Variants in KCNJ15 observed in about 807,000 individuals in gnomAD.
KCNJ15 encodes potassium inwardly rectifying channel subfamily J member 15, also known as ATP-sensitive inward rectifier potassium channel 15.
A neutral mutation model predicts 23.0 loss-of-function variants in KCNJ15; 14 were observed. That is an observed-to-expected ratio of 0.61 (90% CI 0.40 to 0.95). The LOEUF is 0.95. Among genes scored for constraint, KCNJ15 ranks in the 40% least tolerant of loss-of-function variants. The pLI is 0.00. For synonymous variants in KCNJ15, 185 were observed against 183.2 expected, an observed-to-expected ratio of 1.01 and a Z score of -0.08; for missense variants, 388 against 461.8, an observed-to-expected ratio of 0.84 and a Z score of 1.46.
chr21:38,236,932 T>C (rs906908867), intron 1 of KCNJ15, among the ~76,000 whole-genome samples: 2 of 152,116 alleles, frequency 1.3e-5, no homozygotes, highest in African/African-American at 4.8e-5. Context: ...GACTGAAGGG[T>C]CCAGAAGCAG....
At chr21:38,288,522 A>C (rs1984229080) in intron 1 of KCNJ15, among the ~76,000 whole-genome samples, 1 of 152,208 alleles carries the variant, frequency 6.6e-6, no homozygotes, top group Admixed American at 6.5e-5. Flanking sequence ...ATTTCAAATA[A>C]AAGAAAATGT....
At chr21:38,260,544 T>A (rs2123608712) in intron 1 of KCNJ15, among the ~76,000 whole-genome samples, 1 of 152,366 alleles carries the variant, frequency 6.6e-6, no homozygotes, top group South Asian at 2.1e-4. Context: ...GAATACAGTT[T>A]GTGCTTCTAG....
At chr21:38,258,472 T>C (rs1980517329) in intron 1 of KCNJ15, among the ~76,000 whole-genome samples, 1 of 152,198 alleles carries the variant, frequency 6.6e-6, no homozygotes, top group African/African-American at 2.4e-5. Flanking sequence ...GCAGTTTTTC[T>C]CCTTCTCTGT....
intron 1 of KCNJ15, among the ~76,000 whole-genome samples, chr21:38,244,254 G>A (rs573352411): frequency 6.6e-6 from 1 of 152,268 alleles, no homozygotes; most frequent in East Asian, 1.9e-4. Context: ...AATTGTACCA[G>A]ATTTGATGTG....
chr21:38,243,458 A>ATAACTCTG (rs1555880870), intron 1 of KCNJ15, among the ~76,000 whole-genome samples: 1 of 151,440 alleles, frequency 6.6e-6, no homozygotes, highest in East Asian at 2.0e-4. Flanking sequence ...GAGATGGAGT[A>ATAACTCTG]TCACCCAGGC....
chr21:38,242,315 T>G (rs971280349), intron 1 of KCNJ15, among the ~76,000 whole-genome samples: 4 of 152,172 alleles, frequency 2.6e-5, no homozygotes, highest in African/African-American at 9.7e-5. Context: ...TGCACGCTGT[T>G]TCCACTGCTG....
chr21:38,259,503 A>G (rs1232216966), intron 1 of KCNJ15, among the ~76,000 whole-genome samples: 1 of 152,224 alleles, frequency 6.6e-6, no homozygotes, highest in Non-Finnish European at 1.5e-5. Context: ...ATCTCTAAAT[A>G]TGTTGTTTTA....
At chr21:38,247,368 GGA>G (rs1979488139) in intron 1 of KCNJ15, among the ~76,000 whole-genome samples, 1 of 151,974 alleles carries the variant, frequency 6.6e-6, no homozygotes, top group African/African-American at 2.4e-5. Flanking sequence ...ATGGATGGAT[GGA>G]TGGATGGATG....
chr21:38,274,767 T>C (rs117854939), intron 1 of KCNJ15, among the ~76,000 whole-genome samples: 1,919 of 152,334 alleles, frequency 0.013, 21 homozygotes, highest in Non-Finnish European at 0.02. Flanking sequence ...TTAATTTACA[T>C]AGGTGTCCAG....
At chr21:38,233,985 A>G (rs1978437143) in intron 1 of KCNJ15, among the ~76,000 whole-genome samples, 1 of 152,284 alleles carries the variant, frequency 6.6e-6, no homozygotes, top group African/African-American at 2.4e-5. Context: ...TCTTTCATTA[A>G]TCTTCTTATT....
Position 38,301,400 on chromosome 21 carries a change from T to C in KCNJ15, c.*1011T>C, listed in dbSNP as rs895682166. On this transcript the variant is annotated 3_prime_UTR_variant, in exon 3 of 3. Transcript: ENST00000398938. ...GCCAATATTTCTTTCAGCCATTTCA[T>C]TTCTTATCTATTAAAATGGCTTGCC... 1.2e-4 allele frequency: 20 copies of C among 167,114 alleles called. No homozygotes were observed. The highest frequency in any genetic ancestry group is 4.8e-4 in the African/African-American group (20 of 41,468). 10.4% of individuals were successfully genotyped at this position (167,114 alleles called of 1,614,324 possible).
chr21:38,282,259 G>T lies in KCNJ15; in HGVS notation c.-116-14667G>T, dbSNP rs1194578305. 4.6e-5 allele frequency among the ~76,000 whole-genome samples: 7 copies of T among 152,208 alleles called. No homozygotes were observed. The South Asian group carries it at 1.5e-3, about 32-fold the overall frequency. On this transcript the variant is annotated intron_variant, in intron 1 of 2. Transcript: ENST00000398938. ...TGTCACTGTCCCTGCTTGGGTTACT[G>T]GTGTACCCCACATTGGAGACATCTG...
intron 1 of KCNJ15, chr21:38,238,399 A>G: frequency 2.8e-6 from 2 of 705,942 alleles, no homozygotes; most frequent in Non-Finnish European, 5.3e-6. Flanking sequence ...AATCAGCACC[A>G]TGTTAGGAAT....
chr21:38,268,700 C>G (rs1438404736), intron 1 of KCNJ15, among the ~76,000 whole-genome samples: 2 of 152,070 alleles, frequency 1.3e-5, no homozygotes, highest in African/African-American at 4.8e-5. Flanking sequence ...CCTTTGGAAT[C>G]TGACCTTCCT....
At chr21:38,278,656 G>T (rs113337169) in intron 1 of KCNJ15, among the ~76,000 whole-genome samples, 1 of 152,226 alleles carries the variant, frequency 6.6e-6, no homozygotes, top group South Asian at 2.1e-4. Flanking sequence ...ACCTAGAAAG[G>T]GTAACACCCC....
At chr21:38,255,493 C>T (rs552063153), upstream of KCNJ15, among the ~76,000 whole-genome samples, 177 of 152,276 alleles carry the variant, frequency 1.2e-3, 1 homozygote, top group Non-Finnish European at 2.3e-3. Flanking sequence ...CCCTGAACCC[C>T]TGGGAGCCCA....
At position 38,275,250 on chromosome 21, in the gene KCNJ15, C is replaced by A. The variant is rs1380462428; in HGVS notation, c.-117+18065C>A. On this transcript the variant is annotated intron_variant, in intron 1 of 2. Coordinates refer to ENST00000398938, the MANE Select transcript of KCNJ15 (RefSeq NM_170736.3). The stretch of plus-strand genomic sequence containing the variant: ...TCTAGCTGCTCTCCTCCCTCTCCAT[C>A]TGTCTTGCTAGATGAGCCTGGCTTC... 2.0e-5 allele frequency among the ~76,000 whole-genome samples: 3 copies of A among 152,194 alleles called. No homozygotes were observed. The East Asian group carries it at 5.8e-4, about 29-fold the overall frequency.
rs968832258 is a variant in KCNJ15, at chr21:38,304,137, A to T, written c.*3748A>T. 1.3e-5 allele frequency: 2 copies of T among 150,572 alleles called. No homozygotes were observed. The highest frequency in any genetic ancestry group is 4.9e-5 in the African/African-American group (2 of 40,834). The allele number at this position is 150,572 out of a possible 1,614,324, so 9.3% of individuals were successfully genotyped here. ...TATTATACTTTAAGTTTTAGGGTAC[A>T]TGTGCACAACGTGCAGGTTTGTTAC... is the stretch of plus-strand genomic sequence containing the variant. On this transcript the variant is annotated 3_prime_UTR_variant, in exon 3 of 3. Transcript: ENST00000398938.
At chr21:38,286,687 T>A (rs574768711) in intron 1 of KCNJ15, among the ~76,000 whole-genome samples, 1 of 152,318 alleles carries the variant, frequency 6.6e-6, no homozygotes, top group East Asian at 1.9e-4. Context: ...TTACTGGTAA[T>A]ATCTACAGCA....
Sources: gnomAD v4.1 joint callset for allele counts (sites outside exome capture counted in the v4.1 genomes callset) on GRCh38, gnomAD v4.1.1 for gene constraint, MANE v1.5 for transcripts, NCBI Gene and HGNC (gene_info 2026-07-23, HGNC 2026-07-21) for gene names.